FMO3: variants seen among roughly 807,000 people sequenced by gnomAD.
FMO3 encodes the protein flavin-containing monooxygenase 3.
A neutral mutation model predicts 39.4 loss-of-function variants in FMO3; 40 were observed. That is an observed-to-expected ratio of 1.02 (90% CI 0.79 to 1.32). The LOEUF is 1.32. Among genes scored for constraint, FMO3 ranks in the 40% most tolerant of loss-of-function variants. The pLI, the probability that FMO3 is intolerant of heterozygous loss-of-function variation, is 0.00. For synonymous variants in FMO3, 219 were observed against 228.8 expected, an observed-to-expected ratio of 0.96 and a Z score of 0.39; for missense variants, 680 against 651.8, an observed-to-expected ratio of 1.04 and a Z score of -0.47.
chr1:171,105,918 C>T (rs1557940477), intron 3 of FMO3, among the ~76,000 whole-genome samples: 1 of 152,076 alleles, frequency 6.6e-6, no homozygotes, highest in African/African-American at 2.4e-5. Flanking sequence ...TAATCTTTAT[C>T]TTAATTTATC....
intron 1 of FMO3, among the ~76,000 whole-genome samples, chr1:171,092,054 C>A (rs1293298084): frequency 6.6e-6 from 1 of 151,888 alleles, no homozygotes; most frequent in Non-Finnish European, 1.5e-5. Flanking sequence ...TTTTGGTAGA[C>A]AGTAAATGAC....
Position 171,116,318 on chromosome 1 carries a change from A to G in FMO3, c.1256+38A>G, listed in dbSNP as rs756305240. 3 of 1,118,730 alleles carry G rather than the reference A, an allele frequency of 2.7e-6. No individual in the cohort carries two copies. In the South Asian group the frequency reaches 4.0e-5, roughly 15 times the overall value. 69.3% of individuals were successfully genotyped at this position (1,118,730 alleles called of 1,614,324 possible). ...ATTGTAATAGGAGTGTAGGATTTCC[A>G]TAGAAAAGTGAGAATTTATGAATGC... On this transcript the variant is annotated intron_variant, in intron 8 of 8. Transcript: ENST00000367755.
rs1340718190 is a variant in FMO3, at chr1:171,108,215, A to G, written c.621A>G (p.Ala207=). The G allele has an allele frequency of 1.2e-6, 2 of 1,613,756 alleles. No individual in the cohort carries two copies. The highest frequency in any genetic ancestry group is 8.5e-7 in the Non-Finnish European group (1 of 1,179,862). The part of the protein sequence containing the change: ...CDIATELSRT[A]EQVMISSRSG... The stretch of plus-strand genomic sequence containing the variant: ...TTGCCACAGAACTCAGCCGCACAGC[A>G]GAACAGGTACTACTCCCCGGGTACT... The change falls in exon 5 of 9, where the codon GCA becomes GCG. Residue 207 remains alanine (A), a synonymous_variant. Coordinates refer to ENST00000367755, the MANE Select transcript of FMO3 (RefSeq NM_001002294.3).
chr1:171,101,808 T>C, intron 2 of FMO3: 1 of 497,260 alleles, frequency 2.0e-6, no homozygotes, highest in South Asian at 1.5e-5. Flanking sequence ...AAATGTCCTC[T>C]TTTCTCAGGA....
intron 2 of FMO3, among the ~76,000 whole-genome samples, chr1:171,094,017 CAG>C (rs1406959899): frequency 1.3e-5 from 2 of 151,508 alleles, no homozygotes; most frequent in African/African-American, 4.9e-5. Flanking sequence ...TTAGTAGAGA[CAG>C]AGTTTCGCCA....
At chr1:171,099,888 G>A (rs28363528) in intron 2 of FMO3, 11,756 of 151,350 alleles carry the variant, frequency 0.078, 725 homozygotes, top group East Asian at 0.22. Flanking sequence ...GGGATCAAGG[G>A]ATTCTCCTGC....
chr1:171,094,237 T>A (rs977070402), intron 2 of FMO3, among the ~76,000 whole-genome samples: 2 of 152,166 alleles, frequency 1.3e-5, no homozygotes, highest in Admixed American at 1.3e-4. Flanking sequence ...TTTTCCCATA[T>A]GTTTATTGGC....
chr1:171,114,498 C>T, intron 7 of FMO3, 136 bp downstream of exon 7: 1 of 702,786 alleles, frequency 1.4e-6, no homozygotes, highest in Non-Finnish European at 2.5e-6. Context: ...TTCTTTAGTG[C>T]TATATTTTGT....
chr1:171,093,073 T>A (rs2101892996), intron 2 of FMO3, among the ~76,000 whole-genome samples: 1 of 152,266 alleles, frequency 6.6e-6, no homozygotes, highest in East Asian at 1.9e-4. Flanking sequence ...ATTAGTTAGG[T>A]TTATGTAGTT....
At chr1:171,106,807 T>C (rs889168239) in intron 3 of FMO3, among the ~76,000 whole-genome samples, 1 of 152,140 alleles carries the variant, frequency 6.6e-6, no homozygotes, top group Admixed American at 6.6e-5. Flanking sequence ...GAATTGCATT[T>C]CTGTAAACCA....
At chr1:171,092,986 C>T (rs1311517376) in intron 2 of FMO3, among the ~76,000 whole-genome samples, 196 bp downstream of exon 2, 1 of 152,090 alleles carries the variant, frequency 6.6e-6, no homozygotes, top group Non-Finnish European at 1.5e-5. Flanking sequence ...AGACAATGGG[C>T]TTTGAAATTC....
At chr1:171,112,098 G>A (rs148680345) in intron 6 of FMO3, among the ~76,000 whole-genome samples, 50 of 152,240 alleles carry the variant, frequency 3.3e-4, no homozygotes, top group East Asian at 3.1e-3. Flanking sequence ...GGGCATTTAC[G>A]GGCAGGGCTG....
intron 2 of FMO3, 22 bp downstream of exon 2, chr1:171,092,812 T>G (rs1320245184): frequency 6.2e-7 from 1 of 1,613,128 alleles, no homozygotes; most frequent in Non-Finnish European, 8.5e-7. Context: ...GTTGTTGTAA[T>G]AGACAGGAAA....
Position 171,092,802 on chromosome 1 carries a change from G to A in FMO3, c.132+12G>A, listed in dbSNP as rs371225193. 17 of 1,613,510 alleles carry A rather than the reference G, an allele frequency of 1.1e-5. No homozygotes were observed. In the African/African-American group the frequency reaches 1.9e-4, roughly 18 times the overall value. ...TGTGGAAATTTTCAGTGAGTAGCAT[G>A]TTGTTGTAATAGACAGGAAAATAGG... On this transcript the variant is annotated intron_variant, in intron 2 of 8. Coordinates refer to ENST00000367755, the MANE Select transcript of FMO3 (RefSeq NM_001002294.3).
In FMO3 at chr1:171,092,739, G is replaced by A. The variant is rs761257102; in HGVS notation, c.81G>A (p.Glu27=). Reference sequence around the variant, plus strand: ...GGAGCTGTCTGGAAGAGGGGCTGGAGCCCACCTGCTTTGAGAAGAGCAATG... The same window carrying A: ...GGAGCTGTCTGGAAGAGGGGCTGGAACCCACCTGCTTTGAGAAGAGCAATG... ...SIRSCLEEGL[E]PTCFEKSNDI... Residue 27 remains glutamate, a synonymous_variant, in exon 2 of 9, where the codon GAG becomes GAA. Coordinates refer to ENST00000367755, the MANE Select transcript of FMO3 (RefSeq NM_001002294.3). The A allele has an allele frequency of 3.7e-6, 6 of 1,614,092 alleles. No homozygotes were observed. Among genetic ancestry groups the A allele is most frequent in the East Asian group, 4.5e-5 (2 of 44,876 alleles).
Position 171,108,160 on chromosome 1 carries a change from T to C in FMO3, c.566T>C (p.Val189Ala). The C allele has an allele frequency of 6.2e-7, 1 of 1,613,954 alleles. No homozygotes were observed. The highest frequency in any genetic ancestry group is 8.5e-7 in the Non-Finnish European group (1 of 1,179,904). ...GTATTCAATGGAAAGCGTGTCCTGG[T>C]GGTTGGCCTGGGGAATTCGGGCTGT... ...PGVFNGKRVL[V>A]VGLGNSGCDI... Residue 189 changes from valine (V) to alanine (A), a missense_variant, in exon 5 of 9, where the codon GTG becomes GCG. Val to Ala is a moderately conservative substitution (Grantham distance 64). Transcript: ENST00000367755.
Position 171,092,677 on chromosome 1 carries a change from A to G in FMO3, c.19A>G (p.Ile7Val), listed in dbSNP as rs137925569. 5.0e-6 allele frequency: 8 copies of G among 1,614,206 alleles called. No homozygotes were observed. The highest frequency in any genetic ancestry group is 1.7e-4 in the Middle Eastern group (1 of 6,058). The change falls in exon 2 of 9, where the codon ATC becomes GTC. Residue 7 changes from isoleucine to valine, a missense_variant. By Grantham distance (29) the Ile-to-Val change is conservative (BLOSUM62 3). Transcript: ENST00000367755. The stretch of plus-strand genomic sequence containing the variant: ...GGTTACCATGGGGAAGAAAGTGGCC[A>G]TCATTGGAGCTGGTGTGAGTGGCTT... Reference protein sequence around the residue: MGKKVAIIGAGVSGLAS... With the variant: MGKKVAVIGAGVSGLAS...
chr1:171,110,105 G>A (rs1260356245), intron 5 of FMO3, among the ~76,000 whole-genome samples: 1 of 152,090 alleles, frequency 6.6e-6, no homozygotes, highest in Non-Finnish European at 1.5e-5. Flanking sequence ...CTCCATTTTA[G>A]GAATGAGGGA....
Position 171,107,795 on chromosome 1 carries a change from G to A in FMO3, c.442G>A (p.Gly148Arg), listed in dbSNP as rs72549325. 44 of 1,613,736 alleles carry A rather than the reference G, an allele frequency of 2.7e-5. No individual in the cohort carries two copies. The highest frequency in any genetic ancestry group is 3.4e-5 in the Non-Finnish European group (40 of 1,179,898). ...CTTTGATGCTGTAATGGTTTGTTCC[G>A]GACATCATGTGTATCCCAACCTACC... ...AVFDAVMVCS[G>R]HHVYPNLPKE... Residue 148 changes from glycine to arginine, a missense_variant, in exon 4 of 9, where the codon GGA becomes AGA. Transcript: ENST00000367755.
Sources: allele counts gnomAD v4.1 joint callset (sites outside exome capture counted in the v4.1 genomes callset), GRCh38; gene constraint gnomAD v4.1.1; transcripts MANE v1.5; gene names NCBI Gene and HGNC (gene_info 2026-07-23, HGNC 2026-07-21).